Variants in PRLR observed in about 807,000 individuals in gnomAD.
PRLR encodes the protein prolactin receptor.
A neutral mutation model predicts 40.2 loss-of-function variants in PRLR; 13 were observed. The ratio of observed to expected loss-of-function variants is 0.32; its 90% CI spans 0.21 to 0.51. The LOEUF (loss-of-function observed/expected upper bound fraction) is 0.51, where lower values mean the gene tolerates loss of function less well. PRLR is among the 20% of genes least tolerant of loss of function. The probability of loss-of-function intolerance (pLI) is 0.97; values close to 1 mark genes in which losing one functional copy is unlikely to be tolerated. For synonymous variants in PRLR, 269 were observed against 278.7 expected (o/e 0.97, Z 0.35); for missense variants, 656 against 747.3 (o/e 0.88, Z 1.42).
intron 1 of PRLR, among the ~76,000 whole-genome samples, chr5:35,150,087 T>G (rs1774297147): frequency 6.6e-6 from 1 of 152,166 alleles, no homozygotes; most frequent in African/African-American, 2.4e-5. Flanking sequence ...TTTCTCCATG[T>G]TGGTCAGGCT....
Position 35,123,237 on chromosome 5 carries a change from CT to C in PRLR, c.-105-5116del, listed in dbSNP as rs1311203698. ...TCCTGACAGCATCAGCATAATCTTACTTTTAAAAATGGCTAAAAAACAGAAA... is the reference window on the plus strand; with the variant it reads ...TCCTGACAGCATCAGCATAATCTTACTTTAAAAATGGCTAAAAAACAGAAA... On this transcript the variant is annotated intron_variant, in intron 1 of 9. Transcript: ENST00000618457. Among the ~76,000 whole-genome samples the C allele has an allele frequency of 5.9e-5, 9 of 152,272 alleles. No individual in the cohort carries two copies. In the East Asian group the frequency reaches 1.5e-3, roughly 26 times the overall value.
At chr5:35,116,792 ACTT>A (rs931227446) in intron 2 of PRLR, among the ~76,000 whole-genome samples, 3 of 152,124 alleles carry the variant, frequency 2.0e-5, no homozygotes, top group Non-Finnish European at 4.4e-5. Context: ...GACTGATGAC[ACTT>A]CTTCTGCAAG....
At chr5:35,149,357 C>A (rs1012097457) in intron 1 of PRLR, among the ~76,000 whole-genome samples, 1 of 152,046 alleles carries the variant, frequency 6.6e-6, no homozygotes, top group African/African-American at 2.4e-5. Context: ...GTTTGGAAGA[C>A]CTAAGGAAGC....
At chr5:35,170,068 A>C (rs1205326594) in intron 1 of PRLR, among the ~76,000 whole-genome samples, 1 of 152,226 alleles carries the variant, frequency 6.6e-6, no homozygotes, top group African/African-American at 2.4e-5. Context: ...GAGGTTTATA[A>C]AAATGCAAAT....
intron 1 of PRLR, among the ~76,000 whole-genome samples, chr5:35,172,521 T>G (rs546572773): frequency 6.6e-6 from 1 of 152,310 alleles, no homozygotes; most frequent in African/African-American, 2.4e-5. Flanking sequence ...TGTCCCACCC[T>G]CTGACCCTTC....
intron 1 of PRLR, among the ~76,000 whole-genome samples, chr5:35,155,675 G>T (rs116549813): frequency 1.5e-3 from 226 of 152,200 alleles, no homozygotes; most frequent in African/African-American, 5.1e-3. Context: ...AGAATTCAAA[G>T]GATTAAAGGA....
intron 1 of PRLR, among the ~76,000 whole-genome samples, chr5:35,139,455 A>T (rs546270840): frequency 6.6e-6 from 1 of 152,316 alleles, no homozygotes; most frequent in South Asian, 2.1e-4. Context: ...TAATAAAATG[A>T]ATCCTGGTCA....
chr5:35,136,596 C>T (rs1162523254), intron 1 of PRLR, among the ~76,000 whole-genome samples: 1 of 152,142 alleles, frequency 6.6e-6, no homozygotes, highest in African/African-American at 2.4e-5. Context: ...AGGGTGAAGA[C>T]TCATCAACTG....
intron 1 of PRLR, among the ~76,000 whole-genome samples, chr5:35,151,629 T>C (rs1207827749): frequency 2.0e-5 from 3 of 151,974 alleles, no homozygotes; most frequent in Admixed American, 6.6e-5. Flanking sequence ...CTTGGAATTC[T>C]TTTCTCTGCA....
rs1483008911 is a variant in PRLR at position 35,223,922 on chromosome 5, C to T, written c.-106+6346G>A. On this transcript the variant is annotated intron_variant, in intron 1 of 9. Transcript: ENST00000618457. ...TACCAGGGCAGCCCTAGAGAAATAG[C>T]TGGGAAAGCTCATTATTTTCTTAAA... Among the ~76,000 whole-genome samples, 10 of 152,290 alleles carry T rather than the reference C, an allele frequency of 6.6e-5. No homozygotes were observed. In the East Asian group the frequency reaches 1.7e-3, roughly 27 times the overall value.
intron 2 of PRLR, among the ~76,000 whole-genome samples, chr5:35,090,653 G>T (rs1428946194): frequency 6.6e-6 from 1 of 151,936 alleles, no homozygotes; most frequent in East Asian, 1.9e-4. Context: ...CCGATCTTGG[G>T]ACATTTGAAA....
At chr5:35,117,051 T>G (rs1773066930) in intron 2 of PRLR, among the ~76,000 whole-genome samples, 1 of 152,162 alleles carries the variant, frequency 6.6e-6, no homozygotes, top group Non-Finnish European at 1.5e-5. Flanking sequence ...GGTGGTGTCC[T>G]TCTGGTATTT....
intron 1 of PRLR, among the ~76,000 whole-genome samples, chr5:35,163,466 C>T (rs142560636): frequency 3.9e-5 from 6 of 152,188 alleles, no homozygotes; most frequent in Admixed American, 6.5e-5. Context: ...AGCTAGGATG[C>T]GAGATAATGA....
chr5:35,191,715 C>T (rs546532329), intron 1 of PRLR, among the ~76,000 whole-genome samples: 7 of 152,162 alleles, frequency 4.6e-5, no homozygotes, highest in South Asian at 2.1e-4. Context: ...AACAGACACC[C>T]GAAGAAAACA....
At chr5:35,112,241 T>C (rs1772705926) in intron 2 of PRLR, among the ~76,000 whole-genome samples, 1 of 152,240 alleles carries the variant, frequency 6.6e-6, no homozygotes. Flanking sequence ...TTAGGGTTAT[T>C]TGAAATACCT....
At chr5:35,096,789 T>A (rs538978460) in intron 2 of PRLR, among the ~76,000 whole-genome samples, 154 of 152,098 alleles carry the variant, frequency 1.0e-3, no homozygotes, top group African/African-American at 3.6e-3. Flanking sequence ...CCTGGCTAAT[T>A]TTTGTATTTT....
intron 2 of PRLR, among the ~76,000 whole-genome samples, chr5:35,097,645 T>G (rs1771613458): frequency 1.3e-5 from 2 of 152,080 alleles, no homozygotes; most frequent in Middle Eastern, 3.4e-3. Context: ...AGATTCTGAG[T>G]CCTCTAAGGC....
intron 1 of PRLR, among the ~76,000 whole-genome samples, chr5:35,219,809 G>A (rs1776371584): frequency 6.6e-6 from 1 of 152,130 alleles, no homozygotes; most frequent in South Asian, 2.1e-4. Flanking sequence ...ACAAGTTAAG[G>A]TTAAAATTCC....
chr5:35,090,632 G>A (rs1303708639), intron 2 of PRLR, among the ~76,000 whole-genome samples: 1 of 151,730 alleles, frequency 6.6e-6, no homozygotes, highest in Non-Finnish European at 1.5e-5. Flanking sequence ...GAACATTCAG[G>A]ATCAAAGCTG....
Sources: gnomAD v4.1 joint callset for allele counts (sites outside exome capture counted in the v4.1 genomes callset) on GRCh38, gnomAD v4.1.1 for gene constraint, MANE v1.5 for transcripts, NCBI Gene and HGNC (gene_info 2026-07-23, HGNC 2026-07-21) for gene names.